The following SLC12A5 variants were observed in gnomAD, a reference collection of about 807,000 sequenced individuals.
The protein encoded by SLC12A5 is K-Cl cotransporter 2.
Under a neutral mutation model 124.0 loss-of-function variants are expected in SLC12A5, and 18 were observed. That is an observed-to-expected ratio of 0.15 (90% confidence interval 0.10 to 0.22). The LOEUF (loss-of-function observed/expected upper bound fraction) is 0.22, where lower values mean the gene tolerates loss of function less well. Ranked by LOEUF, SLC12A5 falls within the 10% of genes least tolerant of loss-of-function variation. SLC12A5 has a pLI of 1.00. For missense variants in SLC12A5, 867 were observed against 1,478.7 expected (o/e 0.59, Z 6.78); for synonymous variants, 589 against 568.0 (o/e 1.04, Z -0.53).
chr20:46,052,873 C>T, intron 18 of SLC12A5, 84 bp from the exon 19 acceptor site: 1 of 1,453,474 alleles, frequency 6.9e-7, no homozygotes, highest in African/African-American at 1.4e-5. Context: ...TGCTGGCTGC[C>T]AGGAGCCCTT....
Position 46,057,752 on chromosome 20 carries a change from C to T in SLC12A5, c.*147C>T. The T allele has an allele frequency of 3.1e-6, 2 of 640,716 alleles. No individual in the cohort carries two copies. Among genetic ancestry groups the T allele is most frequent in the Non-Finnish European group, 2.6e-6 (1 of 385,406 alleles). 39.7% of individuals were successfully genotyped at this position (640,716 alleles called of 1,614,324 possible). ...CCCGCTGCCTGAAGCCCGGAGGCCA[C>T]GCCTGTTGGGGCTGATTCGGAGAGG... On this transcript the variant is annotated 3_prime_UTR_variant, in exon 26 of 26. Coordinates refer to ENST00000243964, the MANE Select transcript of SLC12A5 (RefSeq NM_020708.5). This position sits in a 1 kb window ranked among gnomAD's most constrained non-coding sequence, Gnocchi z 7.1.
rs762221258 is a variant in SLC12A5 at position 46,053,550 on chromosome 20, C to T, written c.2548-28C>T. The T allele has an allele frequency of 3.1e-6, 5 of 1,612,348 alleles. No individual in the cohort carries two copies. In the South Asian group the frequency reaches 4.4e-5, roughly 14 times the overall value. On this transcript the variant is annotated intron_variant, in intron 19 of 25. Coordinates refer to ENST00000243964, the MANE Select transcript of SLC12A5 (RefSeq NM_020708.5). This position sits in a 1 kb window ranked among gnomAD's most constrained non-coding sequence, Gnocchi z 4.7. Reference sequence around the variant, plus strand: ...TCTCCTCATCACATCTGGGCTGGACCTTTCTGAATCCCCTTCATCGCCTGC... The same window carrying T: ...TCTCCTCATCACATCTGGGCTGGACTTTTCTGAATCCCCTTCATCGCCTGC...
intron 16 of SLC12A5, among the ~76,000 whole-genome samples, chr20:46,048,983 C>T (rs1865182090): frequency 6.6e-6 from 1 of 152,154 alleles, no homozygotes. Context: ...CATGCCCAAC[C>T]CCTCACTCAT....
intron 1 of SLC12A5, among the ~76,000 whole-genome samples, chr20:46,033,474 C>G (rs866623540): frequency 1.3e-5 from 2 of 152,246 alleles, no homozygotes; most frequent in East Asian, 1.9e-4. Context: ...ACTTTCTCCT[C>G]GAGTGATCTC....
Position 46,045,045 on chromosome 20 carries a change from T to C in SLC12A5, c.1474T>C (p.Phe492Leu). ...TCCATGGGTAATTGTCATCGGATCC[T>C]TCTTCTCCACCTGTGGGGCTGGGCT... ...PSPWVIVIGS[F>L]FSTCGAGLQS... is the part of the protein sequence containing the mutation. Residue 492 changes from phenylalanine to leucine, a missense_variant, in exon 12 of 26, where the codon TTC becomes CTC. By Grantham distance (22) the Phe-to-Leu change is conservative (BLOSUM62 0). This residue lies in a region of SLC12A5 where 152 missense variants were observed against 358.7 expected (regional missense o/e 0.42). Transcript: ENST00000243964. This position sits in a 1 kb window ranked among gnomAD's most constrained non-coding sequence, Gnocchi z 4.9. 1 of 1,614,128 alleles carries C rather than the reference T, an allele frequency of 6.2e-7. No homozygotes were observed. The highest frequency in any genetic ancestry group is 1.1e-5 in the South Asian group (1 of 91,078).
rs902094921 is a variant in SLC12A5, at chr20:46,029,614, C to T, written c.52+218C>T. ...CGCGCCCGGGGGCAGAGCTGCGGGC[C>T]GGGGGATTATCGCTGCCCACGGCTT... On this transcript the variant is annotated intron_variant, in intron 1 of 25. Transcript: ENST00000243964. Among the ~76,000 whole-genome samples the T allele has an allele frequency of 5.3e-5, 8 of 152,236 alleles. 1 individual carries two copies. The highest frequency in any genetic ancestry group is 6.5e-5 in the Admixed American group (1 of 15,294).
At position 46,055,097 on chromosome 20, in the gene SLC12A5, A is replaced by G. The variant is rs138759798; in HGVS notation, c.2787+74A>G. ...CTGGGTGGCAGGTTTAGGATGCCTCAGGGCTGACACTCCTGGCATTTCAAC... is the reference window on the plus strand; with the variant it reads ...CTGGGTGGCAGGTTTAGGATGCCTCGGGGCTGACACTCCTGGCATTTCAAC... On this transcript the variant is annotated intron_variant, in intron 21 of 25. Coordinates refer to ENST00000243964, the MANE Select transcript of SLC12A5 (RefSeq NM_020708.5). The G allele has an allele frequency of 4.6e-4, 484 of 1,049,004 alleles. 4 individuals carry two copies. The African/African-American group carries it at 6.6e-3, about 14-fold the overall frequency. The allele number at this position is 1,049,004 out of a possible 1,614,324, so 65.0% of individuals were successfully genotyped here.
rs753026561 is a variant in SLC12A5, at chr20:46,053,574, G to T, written c.2548-4G>T. 41 of 1,613,612 alleles carry T rather than the reference G, an allele frequency of 2.5e-5. No homozygotes were observed. The highest frequency in any genetic ancestry group is 3.3e-5 in the Admixed American group (2 of 60,010). On this transcript the variant is annotated splice_region_variant and splice_polypyrimidine_tract_variant and intron_variant, in intron 19 of 25. Transcript: ENST00000243964. The surrounding 1 kb of genome is among the most constrained non-coding windows in gnomAD (Gnocchi z 4.7). ...CCTTTCTGAATCCCCTTCATCGCCT[G>T]CAGGTCTGGCGGAAGTGCAAGATGC...
In SLC12A5 at chr20:46,035,890, G is replaced by T; in HGVS notation, c.393G>T (p.Glu131Asp). 6.2e-7 allele frequency: 1 copy of T among 1,614,006 alleles called. No homozygotes were observed. The highest frequency in any genetic ancestry group is 8.5e-7 in the Non-Finnish European group (1 of 1,179,904). The change falls in exon 4 of 26, where the codon GAG (glutamate) becomes GAT (aspartate). Residue 131 changes from glutamate to aspartate, a missense_variant. By Grantham distance (45) the Glu-to-Asp change is conservative. This residue lies in a region of SLC12A5 where 126 missense variants were observed against 291.6 expected (regional missense o/e 0.43). Transcript: ENST00000243964. Reference protein sequence around the residue: ...TWVVGIAGIMESFCMVFICCS... With the variant: ...TWVVGIAGIMDSFCMVFICCS... ...TGGTGGGCATTGCAGGCATCATGGAGTCCTTCTGCATGGTGTTCATCTGCT... is the reference window on the plus strand; with the variant it reads ...TGGTGGGCATTGCAGGCATCATGGATTCCTTCTGCATGGTGTTCATCTGCT...
Position 46,053,857 on chromosome 20 carries a change from C to A in SLC12A5, c.2679+148C>A. On this transcript the variant is annotated intron_variant, in intron 20 of 25. Transcript: ENST00000243964. The surrounding 1 kb of genome is among the most constrained non-coding windows in gnomAD (Gnocchi z 4.7). Reference sequence around the variant, plus strand: ...TCTCTTAGCCTCTCACATATTCAGCCATCCCTCCCTTCTCTATAAAAGTAG... The same window carrying A: ...TCTCTTAGCCTCTCACATATTCAGCAATCCCTCCCTTCTCTATAAAAGTAG... 1.1e-6 allele frequency: 1 copy of A among 920,358 alleles called. No individual in the cohort carries two copies. The highest frequency in any genetic ancestry group is 1.6e-6 in the Non-Finnish European group (1 of 644,696). 57.0% of individuals were successfully genotyped at this position (920,358 alleles called of 1,614,324 possible). A position where few individuals can be genotyped will look rare whatever the true frequency, so the allele number is the denominator to read the frequency against.
At chr20:46,055,977 CA>C in intron 21 of SLC12A5, 172 bp from the exon 22 acceptor site, 1 of 857,964 alleles carries the variant, frequency 1.2e-6, no homozygotes, top group Non-Finnish European at 1.8e-6. Context: ...GGAGGTGGGG[CA>C]GGCAGATCAG....
At chr20:46,030,057 G>T (rs1345280287) in intron 1 of SLC12A5, among the ~76,000 whole-genome samples, 1 of 151,972 alleles carries the variant, frequency 6.6e-6, no homozygotes, top group Non-Finnish European at 1.5e-5. Flanking sequence ...CCCAAGGTCC[G>T]ACCTCAGACT....
chr20:46,047,331 G>T, intron 14 of SLC12A5, 123 bp from the exon 15 acceptor site: 1 of 1,310,196 alleles, frequency 7.6e-7, no homozygotes, highest in Non-Finnish European at 1.1e-6. Context: ...AGTTCCCCTA[G>T]ACCGGGCTGT....
At chr20:46,025,474 C>T (rs967300702), upstream of SLC12A5, among the ~76,000 whole-genome samples, 1 of 152,108 alleles carries the variant, frequency 6.6e-6, no homozygotes, top group East Asian at 1.9e-4. Flanking sequence ...TCTCTCTCAT[C>T]CCCCTCCTCT....
chr20:46,022,555 G>C (rs1019094222), intron 1 of SLC12A5, among the ~76,000 whole-genome samples: 1 of 152,100 alleles, frequency 6.6e-6, no homozygotes, highest in Non-Finnish European at 1.5e-5. Context: ...TGGGGATCCC[G>C]GGAAGGAGAC....
At chr20:46,023,306 C>A in intron 2 of SLC12A5, 1 of 398,602 alleles carries the variant, frequency 2.5e-6, no homozygotes, top group Non-Finnish European at 4.4e-6. Flanking sequence ...ACCTTACCAG[C>A]CTCCCAGATT....
intron 1 of SLC12A5, among the ~76,000 whole-genome samples, chr20:46,031,067 G>C (rs13039389): frequency 0.17 from 26,595 of 152,114 alleles, 2,696 homozygotes; most frequent in East Asian, 0.39. Flanking sequence ...CTGAGAGGGG[G>C]ACTCAGATGG....
chr20:46,039,599 A>T (rs1359461140), intron 6 of SLC12A5, among the ~76,000 whole-genome samples: 2 of 152,128 alleles, frequency 1.3e-5, no homozygotes, highest in African/African-American at 4.8e-5. Flanking sequence ...ATACGGTGAA[A>T]CCCCGTCTCT....
rs570159098 is a variant in SLC12A5 at position 46,045,420 on chromosome 20, T to C, written c.1569+280T>C. On this transcript the variant is annotated intron_variant, in intron 12 of 25. Coordinates refer to ENST00000243964, the MANE Select transcript of SLC12A5 (RefSeq NM_020708.5). This position sits in a 1 kb window ranked among gnomAD's most constrained non-coding sequence, Gnocchi z 4.9. Reference sequence around the variant, plus strand: ...TGTGTCTTACTTGGGATTTGGCCCATGGTCAGTGCATCCCTTGGAGCACTG... The same window carrying C: ...TGTGTCTTACTTGGGATTTGGCCCACGGTCAGTGCATCCCTTGGAGCACTG... Among the ~76,000 whole-genome samples, 1 of 152,286 alleles carries C rather than the reference T, an allele frequency of 6.6e-6. No individual in the cohort carries two copies. The highest frequency in any genetic ancestry group is 2.1e-4 in the South Asian group (1 of 4,832).
Sources: gnomAD v4.1 joint callset for allele counts (sites outside exome capture counted in the v4.1 genomes callset) on GRCh38, gnomAD v4.1.1 for gene constraint, gnomAD v4.1.1 regional missense constraint, Gnocchi (gnomAD v3.1) non-coding constraint, MANE v1.5 for transcripts, NCBI Gene and HGNC (gene_info 2026-07-23, HGNC 2026-07-21) for gene names.